Variants in WIPI1 observed in about 807,000 individuals in gnomAD.
The protein encoded by WIPI1 is WD repeat domain phosphoinositide-interacting protein 1.
WIPI1 carries 45 observed loss-of-function variants against 55.3 expected under a neutral mutation model. The ratio of observed to expected loss-of-function variants is 0.81; its 90% CI spans 0.64 to 1.04. The LOEUF (loss-of-function observed/expected upper bound fraction) is 1.04, where lower values mean the gene tolerates loss of function less well. Among genes scored for constraint, WIPI1 ranks in the 50% least tolerant of loss-of-function variants. The pLI is 0.00. For missense variants in WIPI1, 445 were observed against 559.0 expected, an observed-to-expected ratio of 0.80 and a Z score of 2.06; for synonymous variants, 195 against 217.6, an observed-to-expected ratio of 0.90 and a Z score of 0.92.
At chr17:68,443,359 C>T (rs952829336) in intron 4 of WIPI1, among the ~76,000 whole-genome samples, 4 of 152,140 alleles carry the variant, frequency 2.6e-5, no homozygotes, top group East Asian at 1.9e-4. Context: ...GTGATCCACC[C>T]GCCTCGGCCT....
intron 2 of WIPI1, among the ~76,000 whole-genome samples, chr17:68,452,289 G>A (rs1444426196): frequency 4.6e-5 from 7 of 152,242 alleles, no homozygotes; most frequent in Non-Finnish European, 1.0e-4. Context: ...AGGTGGCTGG[G>A]TGAGGTGGCT....
chr17:68,433,604 G>T, intron 7 of WIPI1, 29 bp from the exon 8 acceptor site: 1 of 1,586,052 alleles, frequency 6.3e-7, no homozygotes. Context: ...ATGGGTCAGT[G>T]AGCAAGAGAA....
At chr17:68,451,793 C>A (rs762220377) in intron 2 of WIPI1, among the ~76,000 whole-genome samples, 11 of 152,166 alleles carry the variant, frequency 7.2e-5, no homozygotes, top group Admixed American at 2.6e-4. Flanking sequence ...AGTATTATGA[C>A]GAGGAAAGTA....
chr17:68,454,737 C>T (rs1014938482), intron 1 of WIPI1, among the ~76,000 whole-genome samples: 24 of 152,052 alleles, frequency 1.6e-4, no homozygotes, highest in South Asian at 4.2e-4. Flanking sequence ...TGTTTGGCTG[C>T]GAAATGAGGT....
intron 3 of WIPI1, among the ~76,000 whole-genome samples, chr17:68,447,629 G>T (rs942556614): frequency 6.6e-6 from 1 of 152,094 alleles, no homozygotes; most frequent in African/African-American, 2.4e-5. Flanking sequence ...GGGCTCAAGC[G>T]ATCCTCCTGC....
intron 3 of WIPI1, among the ~76,000 whole-genome samples, chr17:68,449,428 C>T (rs1053467075): frequency 3.3e-5 from 5 of 152,202 alleles, no homozygotes; most frequent in South Asian, 4.1e-4. Context: ...AGTTTGAGAC[C>T]AGACTGGGCA....
chr17:68,450,936 C>T (rs1302956694), intron 2 of WIPI1, 39 bp from the exon 3 acceptor site: 3 of 1,586,074 alleles, frequency 1.9e-6, no homozygotes, highest in African/African-American at 2.7e-5. Context: ...ATGGATTGAT[C>T]ACTTCCAAGA....
At chr17:68,451,204 G>T (rs990641513) in intron 2 of WIPI1, among the ~76,000 whole-genome samples, 18 of 152,254 alleles carry the variant, frequency 1.2e-4, no homozygotes, top group Admixed American at 9.8e-4. Context: ...GCTGAGGCAG[G>T]AGAATCACTT....
In WIPI1 at chr17:68,457,374, C is replaced by T; in HGVS notation, c.48G>A (p.Ala16=). The T allele has an allele frequency of 1.3e-6, 2 of 1,542,042 alleles. No homozygotes were observed. Among genetic ancestry groups the T allele is most frequent in the African/African-American group, 1.4e-5 (1 of 71,022 alleles). The change falls in exon 1 of 13, where the codon GCG becomes GCA. Residue 16 remains alanine (A), a synonymous_variant. Transcript: ENST00000262139. The stretch of plus-strand genomic sequence containing the variant: ...CCTGGTTGAAAGAGAAGCAGCTGAG[C>T]GCCGACTCAACCCCGCCCGGGGGAG... ...ADAPPGGVES[A]LSCFSFNQDC...
intron 6 of WIPI1, among the ~76,000 whole-genome samples, chr17:68,434,980 T>C (rs2083711909): frequency 6.6e-6 from 1 of 152,044 alleles, no homozygotes; most frequent in African/African-American, 2.4e-5. Flanking sequence ...GGCGGGTGGA[T>C]TGCCTGAGCT....
intron 2 of WIPI1, 54 bp downstream of exon 2, chr17:68,452,856 A>C: frequency 6.5e-7 from 1 of 1,533,506 alleles, no homozygotes; most frequent in Non-Finnish European, 9.0e-7. Flanking sequence ...TAAAGCCTAG[A>C]AGGAGGCTCT....
At chr17:68,429,029 C>G in intron 9 of WIPI1, 93 bp from the exon 10 acceptor site, 1 of 923,078 alleles carries the variant, frequency 1.1e-6, no homozygotes, top group Non-Finnish European at 1.7e-6. Flanking sequence ...CTAGCTGTCA[C>G]CAGATTCTGC....
chr17:68,433,550 A>G lies in WIPI1; in HGVS notation c.718T>C (p.Phe240Leu). The G allele has an allele frequency of 6.2e-7, 1 of 1,613,788 alleles. No individual in the cohort carries two copies. The highest frequency in any genetic ancestry group is 1.1e-5 in the South Asian group (1 of 91,064). ...KRYVTISSLV[F>L]SMDSQFLCAS... Reference sequence around the variant, plus strand: ...CAGAGGAATTGTGAATCCATACTGAACACTAGAGAGCTGATTGTCACATAC... The same window carrying G: ...CAGAGGAATTGTGAATCCATACTGAGCACTAGAGAGCTGATTGTCACATAC... The change falls in exon 8 of 13, where the codon TTC becomes CTC. Residue 240 changes from phenylalanine (F) to leucine (L), a missense_variant. Phe to Leu is a conservative substitution (Grantham distance 22). Coordinates refer to ENST00000262139, the MANE Select transcript of WIPI1 (RefSeq NM_017983.7).
chr17:68,449,749 C>A (rs753326403), intron 3 of WIPI1, among the ~76,000 whole-genome samples: 7 of 152,226 alleles, frequency 4.6e-5, no homozygotes, highest in Non-Finnish European at 1.0e-4. Flanking sequence ...GCCTGCAGAA[C>A]CTTGACCCAG....
At chr17:68,426,251 G>GGGGGGGT in intron 11 of WIPI1, 76 bp from the exon 12 acceptor site, 9 of 825,454 alleles carry the variant, frequency 1.1e-5, no homozygotes, top group Admixed American at 2.3e-5. Context: ...GTGGGGAGCG[G>GGGGGGGT]GGGCTCAAAT....
At chr17:68,424,351 G>C (rs1489082045) in intron 12 of WIPI1, 2 of 493,464 alleles carry the variant, frequency 4.1e-6, no homozygotes, top group Non-Finnish European at 8.4e-6. Flanking sequence ...CTGCATGCAG[G>C]GCCCCACCGC....
At chr17:68,427,418 G>A (rs990180267) in intron 10 of WIPI1, 165 bp from the exon 11 acceptor site, 34 of 486,810 alleles carry the variant, frequency 7.0e-5, no homozygotes, top group African/African-American at 1.6e-4. Flanking sequence ...GTGCAGTGGC[G>A]CAATCTCGGC....
At chr17:68,429,031 A>G in intron 9 of WIPI1, 95 bp from the exon 10 acceptor site, 1 of 926,048 alleles carries the variant, frequency 1.1e-6, no homozygotes, top group Non-Finnish European at 1.7e-6. Context: ...AGCTGTCACC[A>G]GATTCTGCCT....
chr17:68,453,628 A>C (rs1359099488), intron 1 of WIPI1, among the ~76,000 whole-genome samples: 1 of 151,730 alleles, frequency 6.6e-6, no homozygotes, highest in Non-Finnish European at 1.5e-5. Context: ...ACAGGCATGC[A>C]CCACCACGCC....
Sources: gnomAD v4.1 joint callset for allele counts (sites outside exome capture counted in the v4.1 genomes callset) on GRCh38, gnomAD v4.1.1 for gene constraint, MANE v1.5 for transcripts, NCBI Gene and HGNC (gene_info 2026-07-23, HGNC 2026-07-21) for gene names.